PPM1B: variants seen among roughly 807,000 people sequenced by gnomAD.
The protein encoded by PPM1B is protein phosphatase 1B.
A neutral mutation model predicts 43.0 loss-of-function variants in PPM1B; 22 were observed. That is an observed-to-expected ratio of 0.51 (90% CI 0.37 to 0.73). The LOEUF (loss-of-function observed/expected upper bound fraction) is 0.73, where lower values mean the gene tolerates loss of function less well. Ranked by LOEUF, PPM1B falls within the 30% of genes least tolerant of loss-of-function variation. The probability of loss-of-function intolerance (pLI) is 0.00; values close to 1 mark genes in which losing one functional copy is unlikely to be tolerated. For synonymous variants in PPM1B, 217 were observed against 197.9 expected, an observed-to-expected ratio of 1.10 and a Z score of -0.81; for missense variants, 632 against 584.2, an observed-to-expected ratio of 1.08 and a Z score of -0.84.
intron 1 of PPM1B, among the ~76,000 whole-genome samples, chr2:44,173,727 G>A (rs1667457018): frequency 1.3e-5 from 2 of 152,146 alleles, no homozygotes; most frequent in South Asian, 2.1e-4. Flanking sequence ...TGAATCACTT[G>A]AGGTCAGGAG....
chr2:44,234,132 T>G, downstream of PPM1B: 2 of 968,904 alleles, frequency 2.1e-6, no homozygotes, highest in Non-Finnish European at 2.5e-6. Context: ...GTTGGCATAT[T>G]TCTGAAAATT....
In PPM1B at chr2:44,231,452, C is replaced by T. The variant is rs1670466260; in HGVS notation, c.*734C>T. The T allele has an allele frequency of 1.0e-6, 1 of 975,130 alleles. No individual in the cohort carries two copies. The highest frequency in any genetic ancestry group is 1.2e-6 in the Non-Finnish European group (1 of 820,728). 60.4% of individuals were successfully genotyped at this position (975,130 alleles called of 1,614,324 possible). ...TATAAGTGTTTAAGTCCAAATAAAG[C>T]ATGTGATGTGGAATAATCTATGCAT... On this transcript the variant is annotated 3_prime_UTR_variant, in exon 6 of 6. Transcript: ENST00000282412.
downstream of PPM1B, among the ~76,000 whole-genome samples, chr2:44,237,898 T>G (rs1210673374): frequency 6.6e-6 from 1 of 151,886 alleles, no homozygotes; most frequent in East Asian, 1.9e-4. Context: ...TGAAATGCAA[T>G]TTATTATTTA....
chr2:44,228,015 G>A (rs1171861247), intron 5 of PPM1B, among the ~76,000 whole-genome samples: 18 of 143,156 alleles, frequency 1.3e-4, no homozygotes, highest in Non-Finnish European at 1.5e-5. Flanking sequence ...TCCGCCCTCC[G>A]AGTTCAAGCG....
chr2:44,227,375 GAAAAT>G (rs1431970932), intron 5 of PPM1B, among the ~76,000 whole-genome samples: 3 of 152,038 alleles, frequency 2.0e-5, no homozygotes, highest in Non-Finnish European at 2.9e-5. Context: ...AAAATTCAAA[GAAAAT>G]AAAGTATCTA....
chr2:44,192,452 G>C (rs1212508953), intron 1 of PPM1B, among the ~76,000 whole-genome samples: 1 of 152,230 alleles, frequency 6.6e-6, no homozygotes, highest in East Asian at 1.9e-4. Flanking sequence ...CTGACCTCAG[G>C]TGATTTGCCT....
chr2:44,212,354 C>T (rs947397424), intron 3 of PPM1B, among the ~76,000 whole-genome samples: 3 of 152,192 alleles, frequency 2.0e-5, no homozygotes, highest in African/African-American at 7.2e-5. Flanking sequence ...CATGCATATG[C>T]CTTCCTCACT....
At chr2:44,233,247 TCA>T (rs1670519880), downstream of PPM1B, 6 of 892,242 alleles carry the variant, frequency 6.7e-6, no homozygotes, top group Admixed American at 2.5e-4. Context: ...GCTCAGAATA[TCA>T]CATTGAAATT....
At chr2:44,238,798 G>A (rs376291745), downstream of PPM1B, among the ~76,000 whole-genome samples, 10 of 152,094 alleles carry the variant, frequency 6.6e-5, no homozygotes, top group South Asian at 2.1e-4. Flanking sequence ...TTTAAAATGC[G>A]AAGTCTTCAT....
intron 5 of PPM1B, among the ~76,000 whole-genome samples, chr2:44,242,387 T>G (rs939637231): frequency 2.6e-5 from 4 of 152,188 alleles, no homozygotes; most frequent in Non-Finnish European, 5.9e-5. Context: ...AAAGGAGCTT[T>G]TTATTTTCTC....
intron 5 of PPM1B, chr2:44,219,145 C>G (rs1297789179): frequency 6.3e-6 from 1 of 159,290 alleles, no homozygotes; most frequent in African/African-American, 2.4e-5. Flanking sequence ...GCCAGCTGCC[C>G]CTCTATATTG....
chr2:44,206,701 A>G (rs763776220), intron 2 of PPM1B, among the ~76,000 whole-genome samples: 1 of 152,036 alleles, frequency 6.6e-6, no homozygotes, highest in Non-Finnish European at 1.5e-5. Context: ...AAATTGCTTT[A>G]TAAAGTGTAA....
chr2:44,233,517 A>G (rs1435538769), downstream of PPM1B: 1 of 984,966 alleles, frequency 1.0e-6, no homozygotes, highest in East Asian at 1.1e-4. Context: ...CTGGGTTAGG[A>G]GAAGTAATGA....
chr2:44,222,129 A>C (rs1245947255), intron 5 of PPM1B, among the ~76,000 whole-genome samples: 1 of 152,086 alleles, frequency 6.6e-6, no homozygotes, highest in Non-Finnish European at 1.5e-5. Context: ...GGGCTCTGGG[A>C]TCATACTCCT....
At chr2:44,207,812 G>A (rs1378858980) in intron 2 of PPM1B, among the ~76,000 whole-genome samples, 1 of 151,540 alleles carries the variant, frequency 6.6e-6, no homozygotes, top group Non-Finnish European at 1.5e-5. Context: ...GGAACTCTTG[G>A]GCTAAAATAG....
At chr2:44,221,134 C>G (rs1669961403) in intron 5 of PPM1B, among the ~76,000 whole-genome samples, 1 of 152,132 alleles carries the variant, frequency 6.6e-6, no homozygotes, top group Admixed American at 6.5e-5. Flanking sequence ...TAAAGAGATG[C>G]AGGCAGTCAG....
intron 1 of PPM1B, among the ~76,000 whole-genome samples, chr2:44,197,923 G>T (rs116054345): frequency 3.2e-3 from 489 of 152,180 alleles, no homozygotes; most frequent in African/African-American, 0.011. Context: ...TACTTTTCTA[G>T]TCGAAAGAGC....
downstream of PPM1B, chr2:44,232,272 T>C (rs1465594590): frequency 6.3e-7 from 1 of 1,584,160 alleles, no homozygotes; most frequent in Non-Finnish European, 8.5e-7. Flanking sequence ...AATCTGGAAG[T>C]GGCATAGGTA....
chr2:44,233,585 A>G (rs1252690049), downstream of PPM1B: 19 of 985,678 alleles, frequency 1.9e-5, no homozygotes, highest in Non-Finnish European at 2.3e-5. Context: ...ATTTTCCTGT[A>G]TGTTTAAATT....
Sources: gnomAD v4.1 joint callset for allele counts (sites outside exome capture counted in the v4.1 genomes callset) on GRCh38, gnomAD v4.1.1 for gene constraint, MANE v1.5 for transcripts, NCBI Gene and HGNC (gene_info 2026-07-23, HGNC 2026-07-21) for gene names.